TAFA2: variants seen among roughly 807,000 people sequenced by gnomAD.
TAFA2 encodes the protein TAFA chemokine like family member 2.
TAFA2 carries 7 observed loss-of-function variants against 18.8 expected under a neutral mutation model. The ratio of observed to expected loss-of-function variants is 0.37; its 90% confidence interval spans 0.21 to 0.70. TAFA2 has a LOEUF of 0.70. Ranked by LOEUF, TAFA2 falls within the 30% of genes least tolerant of loss-of-function variation. The pLI, the probability that TAFA2 is intolerant of heterozygous loss-of-function variation, is 0.53. For synonymous variants in TAFA2, 60 were observed against 54.2 expected (o/e 1.11, Z -0.47); for missense variants, 122 against 158.1 (o/e 0.77, Z 1.23).
At chr12:62,140,563 C>T (rs1327768996) in intron 1 of TAFA2, among the ~76,000 whole-genome samples, 1 of 152,168 alleles carries the variant, frequency 6.6e-6, no homozygotes, top group African/African-American at 2.4e-5. Context: ...TCCCTCCACC[C>T]AATATGCTTC....
intron 4 of TAFA2, among the ~76,000 whole-genome samples, chr12:61,711,677 CA>C (rs1869415165): frequency 2.0e-5 from 3 of 150,782 alleles, no homozygotes; most frequent in East Asian, 2.0e-4. Flanking sequence ...GTACAAAAGG[CA>C]AAAAAGTGTT....
intron 4 of TAFA2, among the ~76,000 whole-genome samples, chr12:61,743,684 G>A (rs1868561885): frequency 6.6e-6 from 1 of 151,994 alleles, no homozygotes; most frequent in Admixed American, 6.6e-5. Flanking sequence ...AGCCTTGCAG[G>A]GAGCTAGAAA....
At chr12:61,904,823 A>G (rs768430100) in intron 1 of TAFA2, among the ~76,000 whole-genome samples, 2 of 152,194 alleles carry the variant, frequency 1.3e-5, no homozygotes, top group Non-Finnish European at 2.9e-5. Flanking sequence ...TGATACTAAA[A>G]AACAGTTTAT....
At chr12:62,249,506 T>C (rs2062902221) in intron 1 of TAFA2, among the ~76,000 whole-genome samples, 1 of 152,118 alleles carries the variant, frequency 6.6e-6, no homozygotes, top group South Asian at 2.1e-4. Flanking sequence ...CTGGCACCTC[T>C]CCCCACGCTC....
At chr12:61,821,593 G>A (rs528781100) in intron 2 of TAFA2, among the ~76,000 whole-genome samples, 22 of 152,152 alleles carry the variant, frequency 1.4e-4, no homozygotes, top group African/African-American at 4.8e-4. Flanking sequence ...CTAGGAAACT[G>A]TCTCTGCATC....
intron 1 of TAFA2, among the ~76,000 whole-genome samples, chr12:61,988,930 C>T (rs151243571): frequency 3.6e-4 from 55 of 152,262 alleles, no homozygotes; most frequent in African/African-American, 1.3e-3. Context: ...ATCCAACCTC[C>T]ATATATGGGC....
At chr12:62,055,625 C>T (rs1038894941) in intron 1 of TAFA2, among the ~76,000 whole-genome samples, 1 of 151,946 alleles carries the variant, frequency 6.6e-6, no homozygotes, top group Non-Finnish European at 1.5e-5. Context: ...TAATAAAAAT[C>T]AACAGTCATC....
intron 1 of TAFA2, among the ~76,000 whole-genome samples, chr12:62,219,893 T>G (rs1316210565): frequency 2.0e-5 from 3 of 152,202 alleles, no homozygotes; most frequent in Non-Finnish European, 4.4e-5. Flanking sequence ...AAGCTGTAGA[T>G]ATGAACTATT....
At chr12:61,935,842 T>C (rs1279481781) in intron 1 of TAFA2, among the ~76,000 whole-genome samples, 2 of 151,748 alleles carry the variant, frequency 1.3e-5, no homozygotes, top group East Asian at 1.9e-4. Context: ...AGTTCTGAAA[T>C]TGAATCAGTA....
At chr12:61,872,829 C>T (rs1250969158) in intron 1 of TAFA2, among the ~76,000 whole-genome samples, 2 of 151,674 alleles carry the variant, frequency 1.3e-5, no homozygotes, top group African/African-American at 2.4e-5. Flanking sequence ...GACCATCCTG[C>T]CCTCCAGAGT....
At chr12:61,961,038 C>T (rs1260103150) in intron 1 of TAFA2, among the ~76,000 whole-genome samples, 1 of 151,902 alleles carries the variant, frequency 6.6e-6, no homozygotes, top group Non-Finnish European at 1.5e-5. Context: ...TCCCCATTAC[C>T]TTCCGCCATG....
At chr12:62,104,686 C>T in intron 1 of TAFA2, 3 of 455,698 alleles carry the variant, frequency 6.6e-6, no homozygotes, top group Non-Finnish European at 1.3e-5. Flanking sequence ...AATAACTAGT[C>T]CTCAACTAAG....
At chr12:61,820,745 C>G (rs1872287096) in intron 2 of TAFA2, among the ~76,000 whole-genome samples, 1 of 151,830 alleles carries the variant, frequency 6.6e-6, no homozygotes, top group Non-Finnish European at 1.5e-5. Flanking sequence ...TCAGTACAAG[C>G]TTTTTTCCCC....
At chr12:62,137,101 C>T (rs762331992) in intron 1 of TAFA2, among the ~76,000 whole-genome samples, 16 of 152,104 alleles carry the variant, frequency 1.1e-4, no homozygotes, top group Non-Finnish European at 1.6e-4. Flanking sequence ...GTCTTCAATA[C>T]AATCACACCT....
chr12:61,978,441 T>C (rs999326002), intron 1 of TAFA2, among the ~76,000 whole-genome samples: 1 of 151,928 alleles, frequency 6.6e-6, no homozygotes, highest in African/African-American at 2.4e-5. Context: ...AAAATGAAAA[T>C]GTATTTTAAA....
intron 2 of TAFA2, among the ~76,000 whole-genome samples, chr12:61,848,391 A>G (rs1197521638): frequency 1.3e-5 from 2 of 152,224 alleles, no homozygotes; most frequent in Non-Finnish European, 2.9e-5. Context: ...ACAAATAAAA[A>G]TTAATTAGGA....
chr12:62,123,781 TACACACACACACAC>T (rs71083977), intron 1 of TAFA2, among the ~76,000 whole-genome samples: 18 of 132,850 alleles, frequency 1.4e-4, no homozygotes. Context: ...ACCACACACA[TACACACACACACAC>T]ACACACACAC....
At chr12:61,921,301 G>T (rs148293813) in intron 1 of TAFA2, among the ~76,000 whole-genome samples, 253 of 152,336 alleles carry the variant, frequency 1.7e-3, no homozygotes, top group African/African-American at 5.7e-3. Flanking sequence ...AAGAGATATT[G>T]CTGGCTTAGG....
chr12:62,178,917 T>C (rs1234993569), intron 1 of TAFA2, among the ~76,000 whole-genome samples: 1 of 152,174 alleles, frequency 6.6e-6, no homozygotes, highest in Non-Finnish European at 1.5e-5. Context: ...AATCAGGTTT[T>C]GAATTCAAAC....
Sources: allele counts gnomAD v4.1 joint callset (sites outside exome capture counted in the v4.1 genomes callset), GRCh38; gene constraint gnomAD v4.1.1; transcripts MANE v1.5; gene names NCBI Gene and HGNC (gene_info 2026-07-23, HGNC 2026-07-21).